The following GPD1 variants were observed in gnomAD, a reference collection of about 807,000 sequenced individuals.
GPD1 encodes the protein glycerol-3-phosphate dehydrogenase 1, also known as glycerol-3-phosphate dehydrogenase [NAD(+)], cytoplasmic.
In GPD1, 19 loss-of-function variants were observed where a neutral mutation model predicts 34.4. The observed-to-expected ratio is 0.55, with a 90% CI of 0.39 to 0.81. GPD1 has a LOEUF of 0.81. GPD1 is among the 30% of genes least tolerant of loss of function. The probability of loss-of-function intolerance (pLI) is 0.00; values close to 1 mark genes in which losing one functional copy is unlikely to be tolerated. For synonymous variants in GPD1, 172 were observed against 174.1 expected (o/e 0.99, Z 0.09); for missense variants, 429 against 447.0 (o/e 0.96, Z 0.36).
Position 50,104,675 on chromosome 12 carries a change from A to T in GPD1, c.143A>T (p.Lys48Ile), listed in dbSNP as rs771930990. Residue 48 changes from lysine (K) to isoleucine (I), a missense_variant, in exon 2 of 8, where the codon AAA becomes ATA. Physicochemically the swap from Lys to Ile is moderately radical, Grantham distance 102 (BLOSUM62 -3). Transcript: ENST00000301149. ...MWVFEEDIGG[K>I]KLTEIINTQH... Reference sequence around the variant, plus strand: ...GTATTTGAGGAAGACATTGGAGGCAAAAAGCTGACTGAGATCATCAACACG... The same window carrying T: ...GTATTTGAGGAAGACATTGGAGGCATAAAGCTGACTGAGATCATCAACACG... 8.1e-5 allele frequency: 131 copies of T among 1,614,150 alleles called. 2 individuals are homozygous for T. The South Asian group carries it at 1.4e-3, about 17-fold the overall frequency.
chr12:50,107,579 G>A lies in GPD1; in HGVS notation c.625G>A (p.Val209Met), dbSNP rs376155208. The change falls in exon 6 of 8, where the codon GTG (valine) becomes ATG (methionine). Residue 209 changes from valine (V) to methionine (M), a missense_variant. Val to Met is a conservative substitution (Grantham distance 21, BLOSUM62 1). Transcript: ENST00000301149. ...CCACTCCTTCAAGAATGTAGTGGCC[G>A]TGGGGGCTGGCTTCTGTGATGGCCT... Reference protein sequence around the residue: ...ICGALKNVVAVGAGFCDGLGF... With the variant: ...ICGALKNVVAMGAGFCDGLGF... 5.6e-5 allele frequency: 90 copies of A among 1,613,862 alleles called. No individual in the cohort carries two copies. Among genetic ancestry groups the A allele is most frequent in the Middle Eastern group, 3.3e-4 (2 of 6,060 alleles).
intron 1 of GPD1, 181 bp downstream of exon 1, chr12:50,104,272 G>A: frequency 1.4e-6 from 1 of 710,576 alleles, no homozygotes; most frequent in Non-Finnish European, 2.5e-6. Context: ...CTCCTGGGCA[G>A]CTGCACCTGT....
Position 50,106,434 on chromosome 12 carries a change from C to T in GPD1, c.499+8C>T. On this transcript the variant is annotated splice_region_variant and intron_variant, in intron 4 of 7. Transcript: ENST00000301149. Reference sequence around the variant, plus strand: ...TCTGTGAGACAACCATTGGTGAGAGCCCCCTGGCACCTGCATACACAGTGC... The same window carrying T: ...TCTGTGAGACAACCATTGGTGAGAGTCCCCTGGCACCTGCATACACAGTGC... 13 of 1,611,630 alleles carry T rather than the reference C, an allele frequency of 8.1e-6. No individual in the cohort carries two copies. Among genetic ancestry groups the T allele is most frequent in the Non-Finnish European group, 1.1e-5 (13 of 1,178,150 alleles).
In GPD1 at chr12:50,107,750, T is replaced by A; in HGVS notation, c.796T>A (p.Tyr266Asn). 4 of 1,614,120 alleles carry A rather than the reference T, an allele frequency of 2.5e-6. No individual in the cohort carries two copies. The highest frequency in any genetic ancestry group is 3.4e-6 in the Non-Finnish European group (4 of 1,180,000). Reference sequence around the variant, plus strand: ...TGTTGCTGACCTGATCACTACCTGCTATGGAGGGCGGAACCGGAAAGTGGC... The same window carrying A: ...TGTTGCTGACCTGATCACTACCTGCAATGGAGGGCGGAACCGGAAAGTGGC... ...CGVADLITTC[Y>N]GGRNRKVAEA... Residue 266 changes from tyrosine (Y) to asparagine (N), a missense_variant, in exon 6 of 8, where the codon TAT becomes AAT. By Grantham distance (143) the Tyr-to-Asn change is moderately radical. Coordinates refer to ENST00000301149, the MANE Select transcript of GPD1 (RefSeq NM_005276.4).
chr12:50,110,317 C>T lies in GPD1; in HGVS notation c.*798C>T, dbSNP rs1951013615. 6.5e-6 allele frequency: 1 copy of T among 152,886 alleles called. No homozygotes were observed. Among genetic ancestry groups the T allele is most frequent in the Admixed American group, 6.5e-5 (1 of 15,288 alleles). 9.5% of individuals were successfully genotyped at this position (152,886 alleles called of 1,614,324 possible). A position where few individuals can be genotyped will look rare whatever the true frequency, so the allele number is the denominator to read the frequency against. ...CCCTCACCCTCCCCGCCAGCACCCT[C>T]TTTGGGGAGCAGGAACTTAATCTGC... On this transcript the variant is annotated 3_prime_UTR_variant, in exon 8 of 8. Transcript: ENST00000301149.
At chr12:50,105,173 G>T in intron 2 of GPD1, 2 of 309,426 alleles carry the variant, frequency 6.5e-6, no homozygotes, top group East Asian at 1.3e-4. Flanking sequence ...GAGCAGAAAG[G>T]CTGGGGCTCC....
rs1592301720 is a variant in GPD1 at position 50,106,399 on chromosome 12, G to A, written c.472G>A (p.Asp158Asn). The A allele has an allele frequency of 2.5e-6, 4 of 1,613,880 alleles. No individual in the cohort carries two copies. The East Asian group carries it at 6.7e-5, about 27-fold the overall frequency. ...GGCCAACATTGCCAGCGAGGTGGCT[G>A]ATGAGAAGTTCTGTGAGACAACCAT... ...MGANIASEVA[D>N]EKFCETTIGC... The change falls in exon 4 of 8, where the codon GAT becomes AAT. Residue 158 changes from aspartate (D) to asparagine (N), a missense_variant. Transcript: ENST00000301149.
intron 1 of GPD1, 43 bp downstream of exon 1, chr12:50,104,134 C>A: frequency 6.3e-7 from 1 of 1,590,618 alleles, no homozygotes; most frequent in South Asian, 1.1e-5. Flanking sequence ...GGTAGGCCCC[C>A]CAAGACAGAG....
At chr12:50,107,436 C>T in intron 5 of GPD1, 131 bp from the exon 6 acceptor site, 1 of 806,992 alleles carries the variant, frequency 1.2e-6, no homozygotes, top group South Asian at 1.3e-5. Context: ...CGGAAGTAGG[C>T]TTCTAAAAGG....
chr12:50,104,370 C>G (rs1259507692), intron 1 of GPD1: 4 of 708,640 alleles, frequency 5.6e-6, no homozygotes, highest in South Asian at 4.5e-5. Flanking sequence ...GCTCCCTTCT[C>G]TAGTAGCAAA....
chr12:50,107,448 C>G, intron 5 of GPD1, 119 bp from the exon 6 acceptor site: 1 of 851,906 alleles, frequency 1.2e-6, no homozygotes, highest in Non-Finnish European at 2.0e-6. Context: ...TCTAAAAGGC[C>G]ACACACTATA....
intron 7 of GPD1, 61 bp downstream of exon 7, chr12:50,108,191 T>C: frequency 1.1e-6 from 1 of 915,560 alleles, no homozygotes; most frequent in Non-Finnish European, 1.8e-6. Context: ...CTCGCCCTGT[T>C]CATCATCTTC....
chr12:50,107,641 G>A lies in GPD1; in HGVS notation c.687G>A (p.Arg229=). Reference sequence around the variant, plus strand: ...ACAACACCAAGGCGGCAGTGATCCGGCTGGGACTCATGGAGATGATAGCCT... The same window carrying A: ...ACAACACCAAGGCGGCAGTGATCCGACTGGGACTCATGGAGATGATAGCCT... ...FGDNTKAAVI[R]LGLMEMIAFA... Residue 229 remains arginine, a synonymous_variant, in exon 6 of 8, where the codon CGG becomes CGA. Coordinates refer to ENST00000301149, the MANE Select transcript of GPD1 (RefSeq NM_005276.4). The A allele has an allele frequency of 6.2e-7, 1 of 1,614,156 alleles. No individual in the cohort carries two copies. Among genetic ancestry groups the A allele is most frequent in the Non-Finnish European group, 8.5e-7 (1 of 1,179,998 alleles).
At chr12:50,106,029 G>C in intron 3 of GPD1, 1 of 622,022 alleles carries the variant, frequency 1.6e-6, no homozygotes, top group East Asian at 2.8e-5. Context: ...CAGTTTGTTG[G>C]GGCAGTCAGG....
intron 7 of GPD1, 150 bp downstream of exon 7, chr12:50,108,280 G>A: frequency 4.8e-6 from 3 of 630,974 alleles, no homozygotes; most frequent in Non-Finnish European, 8.7e-6. Context: ...AGAGCTTGCA[G>A]AGTCTGGCAT....
chr12:50,106,910 C>A lies in GPD1; in HGVS notation c.605C>A (p.Ala202Asp). Residue 202 changes from alanine to aspartate, a missense_variant, in exon 5 of 8, where the codon GCC becomes GAC. By Grantham distance (126) the Ala-to-Asp change is moderately radical (BLOSUM62 -2). Coordinates refer to ENST00000301149, the MANE Select transcript of GPD1 (RefSeq NM_005276.4). Reference sequence around the variant, plus strand: ...GTGGACACAGTAGAGATCTGTGGAGCCTTAAAGGTGAGAGGGGCACAGAGG... The same window carrying A: ...GTGGACACAGTAGAGATCTGTGGAGACTTAAAGGTGAGAGGGGCACAGAGG... The part of the protein sequence containing the change: ...QEVDTVEICG[A>D]LKNVVAVGAG... 2 of 1,597,746 alleles carry A rather than the reference C, an allele frequency of 1.3e-6. No homozygotes were observed. The highest frequency in any genetic ancestry group is 1.7e-6 in the Non-Finnish European group (2 of 1,165,104).
In GPD1 at chr12:50,104,666, T is replaced by A. The variant is rs142985043; in HGVS notation, c.134T>A (p.Ile45Asn). The A allele has an allele frequency of 6.2e-7, 1 of 1,613,948 alleles. No individual in the cohort carries two copies. The highest frequency in any genetic ancestry group is 2.2e-5 in the East Asian group (1 of 44,884). Residue 45 changes from isoleucine (I) to asparagine (N), a missense_variant, in exon 2 of 8, where the codon ATT becomes AAT. Coordinates refer to ENST00000301149, the MANE Select transcript of GPD1 (RefSeq NM_005276.4). The part of the protein sequence containing the change: ...RVTMWVFEED[I>N]GGKKLTEIIN... ...ACCATGTGGGTATTTGAGGAAGACA[T>A]TGGAGGCAAAAAGCTGACTGAGATC...
chr12:50,106,276 T>A lies in GPD1; in HGVS notation c.361-12T>A. 1 of 1,597,858 alleles carries A rather than the reference T, an allele frequency of 6.3e-7. No homozygotes were observed. Among genetic ancestry groups the A allele is most frequent in the Non-Finnish European group, 8.5e-7 (1 of 1,174,660 alleles). On this transcript the variant is annotated splice_polypyrimidine_tract_variant and intron_variant, in intron 3 of 7. Transcript: ENST00000301149. ...CAAAGGGCACCTGGCCTGAGCTCCA[T>A]CCTGTGCTCAGGGGGTAGACGAGGG... is the stretch of plus-strand genomic sequence containing the variant.
intron 5 of GPD1, chr12:50,107,333 A>C: frequency 1.5e-6 from 1 of 680,520 alleles, no homozygotes; most frequent in Non-Finnish European, 2.7e-6. Flanking sequence ...AAGATCAACT[A>C]GAGAGAAGAG....
Sources: allele counts gnomAD v4.1 joint callset, GRCh38; gene constraint gnomAD v4.1.1; transcripts MANE v1.5; gene names NCBI Gene and HGNC (gene_info 2026-07-23, HGNC 2026-07-21).